Variants in CHCHD6 observed in about 807,000 individuals in gnomAD.
CHCHD6 encodes the protein coiled-coil-helix-coiled-coil-helix domain containing 6.
In CHCHD6, 28 loss-of-function variants were observed where a neutral mutation model predicts 32.3. That is an observed-to-expected ratio of 0.87 (90% CI 0.64 to 1.19). The LOEUF (loss-of-function observed/expected upper bound fraction) is 1.19, where lower values mean the gene tolerates loss of function less well. CHCHD6 is among the 50% of genes most tolerant of loss of function. The pLI is 0.00. For synonymous variants in CHCHD6, 122 were observed against 117.5 expected (o/e 1.04, Z -0.25); for missense variants, 333 against 307.0 (o/e 1.08, Z -0.63).
intron 4 of CHCHD6, among the ~76,000 whole-genome samples, chr3:126,738,356 T>C (rs778652915): frequency 2.6e-5 from 4 of 152,174 alleles, no homozygotes; most frequent in African/African-American, 9.7e-5. Context: ...CTGGAACCAA[T>C]ACCCCGTGGC....
At chr3:126,916,126 C>T (rs902673772) in intron 6 of CHCHD6, among the ~76,000 whole-genome samples, 2 of 152,054 alleles carry the variant, frequency 1.3e-5, no homozygotes, top group Admixed American at 6.6e-5. Flanking sequence ...TTTTGCTGGA[C>T]GTGGTGGCTC....
intron 5 of CHCHD6, among the ~76,000 whole-genome samples, chr3:126,905,137 A>T (rs1451579207): frequency 6.6e-6 from 1 of 152,220 alleles, no homozygotes; most frequent in African/African-American, 2.4e-5. Context: ...TCAAGCAGGC[A>T]TCTGTCAGAC....
At position 126,925,797 on chromosome 3, in the gene CHCHD6, C is replaced by CG. The variant is rs544907510; in HGVS notation, c.566+11049dup. 9.8e-5 allele frequency among the ~76,000 whole-genome samples: 15 copies of CG among 152,342 alleles called. No homozygotes were observed. In the East Asian group the frequency reaches 2.9e-3, roughly 29 times the overall value. On this transcript the variant is annotated intron_variant, in intron 6 of 7. Transcript: ENST00000290913. ...GGCCACCATCCACAGAAGAGAGCCA[C>CG]GGAGGGCCTGGAGTGTATTTGCTGC...
At chr3:126,718,097 CT>C (rs1438160427) in intron 1 of CHCHD6, among the ~76,000 whole-genome samples, 2 of 152,048 alleles carry the variant, frequency 1.3e-5, no homozygotes, top group Non-Finnish European at 2.9e-5. Flanking sequence ...CTGGAGGGCA[CT>C]TTAAAAAGAA....
At chr3:126,846,359 C>T (rs1037624538) in intron 4 of CHCHD6, among the ~76,000 whole-genome samples, 3 of 152,074 alleles carry the variant, frequency 2.0e-5, no homozygotes, top group Non-Finnish European at 4.4e-5. Context: ...AATAGGGTAA[C>T]CTGAAAGCTT....
At chr3:126,872,969 G>A (rs905099170) in intron 5 of CHCHD6, among the ~76,000 whole-genome samples, 10 of 152,178 alleles carry the variant, frequency 6.6e-5, no homozygotes, top group African/African-American at 2.2e-4. Context: ...TTTGACAGGG[G>A]CTACTGTCTC....
intron 5 of CHCHD6, among the ~76,000 whole-genome samples, chr3:126,899,481 T>C (rs533453850): frequency 6.6e-6 from 1 of 152,300 alleles, no homozygotes; most frequent in African/African-American, 2.4e-5. Context: ...CCTTTTCTAT[T>C]CATATAGCCC....
At chr3:126,726,665 TTG>T (rs1935550311) in intron 1 of CHCHD6, among the ~76,000 whole-genome samples, 1 of 152,148 alleles carries the variant, frequency 6.6e-6, no homozygotes, top group African/African-American at 2.4e-5. Flanking sequence ...GAAGGGGACA[TTG>T]AGATACCTCC....
chr3:126,758,392 C>A (rs1261633624), intron 4 of CHCHD6, among the ~76,000 whole-genome samples: 1 of 152,228 alleles, frequency 6.6e-6, no homozygotes, highest in African/African-American at 2.4e-5. Context: ...TGAACTACAT[C>A]TCATTTCTCA....
At chr3:126,807,977 C>G (rs770625528) in intron 4 of CHCHD6, among the ~76,000 whole-genome samples, 1 of 152,200 alleles carries the variant, frequency 6.6e-6, no homozygotes, top group South Asian at 2.1e-4. Context: ...TACAAAAACA[C>G]GTGGCCAGGT....
chr3:126,923,306 T>C (rs2078279275), intron 6 of CHCHD6, among the ~76,000 whole-genome samples: 1 of 152,232 alleles, frequency 6.6e-6, no homozygotes, highest in Non-Finnish European at 1.5e-5. Context: ...CTTTTTTTCT[T>C]ACAAATTGCT....
chr3:126,713,623 G>A (rs1029976465), intron 1 of CHCHD6, among the ~76,000 whole-genome samples: 4 of 152,104 alleles, frequency 2.6e-5, no homozygotes, highest in African/African-American at 9.7e-5. Context: ...CCAGGGCTTA[G>A]TGCCCTGGGC....
At chr3:126,730,076 A>G (rs147512305) in intron 2 of CHCHD6, among the ~76,000 whole-genome samples, 291 of 152,318 alleles carry the variant, frequency 1.9e-3, no homozygotes, top group Non-Finnish European at 3.4e-3. Flanking sequence ...TAGGTTTAAT[A>G]TGGGGCATTT....
intron 2 of CHCHD6, 47 bp downstream of exon 2, chr3:126,727,233 G>C: frequency 1.4e-6 from 2 of 1,392,874 alleles, no homozygotes; most frequent in Non-Finnish European, 2.0e-6. Flanking sequence ...GACAGTGAAA[G>C]GAGTGATGGG....
chr3:126,737,390 G>GTATATATATATATATATATA (rs60896630), intron 4 of CHCHD6, among the ~76,000 whole-genome samples: 9 of 132,634 alleles, frequency 6.8e-5, no homozygotes, highest in East Asian at 4.6e-4. Context: ...TGATGTGTGA[G>GTATATATATATATATATATA]TATATATATA....
chr3:126,893,129 C>T (rs758800623), intron 5 of CHCHD6, among the ~76,000 whole-genome samples: 4 of 152,022 alleles, frequency 2.6e-5, no homozygotes, highest in Non-Finnish European at 5.9e-5. Context: ...CCATTATGCA[C>T]AGCTAATTTT....
chr3:126,791,061 G>A (rs1938515026), intron 4 of CHCHD6, among the ~76,000 whole-genome samples: 1 of 152,226 alleles, frequency 6.6e-6, no homozygotes, highest in Non-Finnish European at 1.5e-5. Context: ...CTCAGCTGCA[G>A]GTCTGTTGGA....
At chr3:126,827,773 AG>A (rs2107540019) in intron 4 of CHCHD6, among the ~76,000 whole-genome samples, 1 of 152,314 alleles carries the variant, frequency 6.6e-6, no homozygotes, top group African/African-American at 2.4e-5. Flanking sequence ...TGGAAAGTAA[AG>A]GAGAACAAGC....
intron 4 of CHCHD6, among the ~76,000 whole-genome samples, chr3:126,835,539 T>C (rs919209512): frequency 9.9e-5 from 15 of 152,080 alleles, no homozygotes; most frequent in African/African-American, 2.4e-5. Context: ...CCGGCTCTGC[T>C]CAGTTCATGA....
Sources: allele counts gnomAD v4.1 joint callset (sites outside exome capture counted in the v4.1 genomes callset), GRCh38; gene constraint gnomAD v4.1.1; transcripts MANE v1.5; gene names NCBI Gene and HGNC (gene_info 2026-07-23, HGNC 2026-07-21).